The following TAFA4 variants were observed in gnomAD, a reference collection of about 807,000 sequenced individuals.
TAFA4 encodes TAFA chemokine like family member 4.
In TAFA4, 20 loss-of-function variants were observed where a neutral mutation model predicts 21.1. That is an observed-to-expected ratio of 0.95 (90% CI 0.67 to 1.38). TAFA4 has a LOEUF of 1.38. Ranked by LOEUF, TAFA4 falls within the 40% of genes most tolerant of loss-of-function variation. The probability of loss-of-function intolerance (pLI) is 0.00; values close to 1 mark genes in which losing one functional copy is unlikely to be tolerated. For synonymous variants in TAFA4, 71 were observed against 67.4 expected, an observed-to-expected ratio of 1.05 and a Z score of -0.26; for missense variants, 211 against 180.9, an observed-to-expected ratio of 1.17 and a Z score of -0.95.
intron 3 of TAFA4, among the ~76,000 whole-genome samples, chr3:68,775,522 T>C (rs1291171642): frequency 6.6e-6 from 1 of 152,120 alleles, no homozygotes; most frequent in Non-Finnish European, 1.5e-5. Context: ...AACTCAAGTA[T>C]TGAACTTATT....
chr3:68,798,457 A>G (rs935152345), intron 3 of TAFA4, among the ~76,000 whole-genome samples: 1 of 152,246 alleles, frequency 6.6e-6, no homozygotes, highest in East Asian at 1.9e-4. Context: ...AGTAATAAGT[A>G]GAACCCTATT....
chr3:68,800,266 C>A (rs1268502150), intron 3 of TAFA4, among the ~76,000 whole-genome samples: 1 of 152,098 alleles, frequency 6.6e-6, no homozygotes, highest in Non-Finnish European at 1.5e-5. Context: ...ATGTTGGGAA[C>A]CACTGCCCTA....
At chr3:68,847,766 C>A (rs568040777) in intron 3 of TAFA4, among the ~76,000 whole-genome samples, 1 of 152,152 alleles carries the variant, frequency 6.6e-6, no homozygotes, top group Non-Finnish European at 1.5e-5. Flanking sequence ...GATTTGAACA[C>A]GGTAAGGTGT....
rs540587212 is a variant in TAFA4, at chr3:68,785,639, G to A, written c.131-32621C>T. ...CCGCGTGCAGCCCCGGTTCCCGTCC[G>A]CACCTCTCCCTCCATACCTCCCAGC... is the stretch of plus-strand genomic sequence containing the variant. On this transcript the variant is annotated intron_variant, in intron 3 of 5. Transcript: ENST00000295569. Among the ~76,000 whole-genome samples, 14 of 152,320 alleles carry A rather than the reference G, an allele frequency of 9.2e-5. No individual in the cohort carries two copies. The South Asian group carries it at 2.9e-3, about 32-fold the overall frequency.
At position 68,825,109 on chromosome 3, in the gene TAFA4, T is replaced by C. The variant is rs552356540; in HGVS notation, c.130+55621A>G. On this transcript the variant is annotated intron_variant, in intron 3 of 5. Coordinates refer to ENST00000295569, the MANE Select transcript of TAFA4 (RefSeq NM_182522.5). ...TTAAGCCCAGCATACATTTGCTATT[T>C]TTCTTGAGGGTTTCCCTCTCCGTGC... Among the ~76,000 whole-genome samples the C allele has an allele frequency of 2.6e-4, 40 of 152,292 alleles. 1 individual carries two copies. The highest frequency in any genetic ancestry group is 8.2e-4 in the African/African-American group (34 of 41,562).
intron 3 of TAFA4, among the ~76,000 whole-genome samples, chr3:68,812,566 A>T (rs939175014): frequency 2.0e-5 from 3 of 152,190 alleles, no homozygotes; most frequent in Non-Finnish European, 4.4e-5. Context: ...CAAAAATAAG[A>T]AGAGACAAAG....
chr3:68,912,670 G>T (rs551854798), intron 1 of TAFA4, among the ~76,000 whole-genome samples: 1 of 152,282 alleles, frequency 6.6e-6, no homozygotes, highest in Admixed American at 6.5e-5. Flanking sequence ...CCAAGGTGCT[G>T]CTGGCTCCTG....
chr3:68,880,911 T>C (rs2089610966), intron 2 of TAFA4, 66 bp from the exon 3 acceptor site: 2 of 1,312,244 alleles, frequency 1.5e-6, no homozygotes, highest in South Asian at 1.2e-5. Flanking sequence ...GCAAGCACCA[T>C]TCTAGGAAGG....
At chr3:68,858,379 G>A (rs920756142) in intron 3 of TAFA4, among the ~76,000 whole-genome samples, 2 of 151,582 alleles carry the variant, frequency 1.3e-5, no homozygotes, top group Non-Finnish European at 1.5e-5. Flanking sequence ...TAATAACACC[G>A]TTAACGCAGT....
chr3:68,741,008 C>G (rs888544504), intron 4 of TAFA4, among the ~76,000 whole-genome samples: 2 of 152,108 alleles, frequency 1.3e-5, no homozygotes, highest in African/African-American at 4.8e-5. Flanking sequence ...GTCTACATGT[C>G]TATTTATTTT....
intron 3 of TAFA4, among the ~76,000 whole-genome samples, chr3:68,778,979 T>C (rs1465343242): frequency 1.3e-5 from 2 of 152,212 alleles, no homozygotes; most frequent in African/African-American, 4.8e-5. Flanking sequence ...AAAGACTTGT[T>C]GAATGGCTTT....
intron 1 of TAFA4, among the ~76,000 whole-genome samples, chr3:68,930,008 C>T (rs375031893): frequency 3.0e-4 from 45 of 152,212 alleles, no homozygotes; most frequent in African/African-American, 1.0e-3. Context: ...CATCAACATG[C>T]CATTTACATA....
intron 3 of TAFA4, among the ~76,000 whole-genome samples, chr3:68,777,751 T>C (rs182857590): frequency 9.7e-4 from 148 of 152,254 alleles, no homozygotes; most frequent in Non-Finnish European, 1.6e-3. Flanking sequence ...ACAGACGACA[T>C]AGACAATGGT....
intron 3 of TAFA4, among the ~76,000 whole-genome samples, chr3:68,857,637 T>G (rs1479744389): frequency 6.6e-6 from 1 of 152,142 alleles, no homozygotes; most frequent in Non-Finnish European, 1.5e-5. Flanking sequence ...AAAGTGTTAT[T>G]AATTTTCCTT....
chr3:68,790,487 A>G (rs1008145870), intron 3 of TAFA4, among the ~76,000 whole-genome samples: 3 of 152,224 alleles, frequency 2.0e-5, no homozygotes, highest in African/African-American at 7.2e-5. Flanking sequence ...AAGAGAGATT[A>G]TCAGATTAGA....
chr3:68,780,783 A>T (rs1326384029), intron 3 of TAFA4, among the ~76,000 whole-genome samples: 2 of 152,242 alleles, frequency 1.3e-5, no homozygotes. Flanking sequence ...TAAAACAAGT[A>T]AACAAATAAT....
At chr3:68,789,419 CCACACACATA>C (rs1241657330) in intron 3 of TAFA4, among the ~76,000 whole-genome samples, 4 of 152,064 alleles carry the variant, frequency 2.6e-5, no homozygotes, top group Admixed American at 2.6e-4. Flanking sequence ...AATATTCTTA[CCACACACATA>C]CACACACAGG....
At chr3:68,808,377 C>T (rs1221042189) in intron 3 of TAFA4, among the ~76,000 whole-genome samples, 4 of 152,100 alleles carry the variant, frequency 2.6e-5, no homozygotes, top group Non-Finnish European at 5.9e-5. Context: ...AACAGTTGTC[C>T]TAGAATGAAG....
chr3:68,893,230 T>G (rs991271276), intron 1 of TAFA4, among the ~76,000 whole-genome samples: 2 of 152,202 alleles, frequency 1.3e-5, no homozygotes, highest in Non-Finnish European at 2.9e-5. Context: ...TACTTGAATT[T>G]TATCTGAAAA....
Sources: gnomAD v4.1 joint callset for allele counts (sites outside exome capture counted in the v4.1 genomes callset) on GRCh38, gnomAD v4.1.1 for gene constraint, MANE v1.5 for transcripts, NCBI Gene and HGNC (gene_info 2026-07-23, HGNC 2026-07-21) for gene names.